The following GNL3L variants were observed in gnomAD, a reference collection of about 807,000 sequenced individuals.
The protein encoded by GNL3L is G protein nucleolar 3 like, also known as guanine nucleotide-binding protein-like 3-like protein.
In GNL3L, 4 loss-of-function variants were observed where a neutral mutation model predicts 42.9. The ratio of observed to expected loss-of-function variants is 0.09; its 90% confidence interval spans 0.05 to 0.21. GNL3L has a LOEUF of 0.21. GNL3L is among the 10% of genes least tolerant of loss of function. The pLI, the probability that GNL3L is intolerant of heterozygous loss-of-function variation, is 1.00. For synonymous variants in GNL3L, 159 were observed against 176.3 expected (o/e 0.90, Z 0.78); for missense variants, 412 against 481.7 (o/e 0.86, Z 1.36).
intron 5 of GNL3L, among the ~76,000 whole-genome samples, 187 bp downstream of exon 5, chrX:54,541,576 G>A (rs1924619121): frequency 9.1e-6 from 1 of 110,112 alleles, no homozygotes; most frequent in Non-Finnish European, 1.9e-5. Flanking sequence ...GCCATTTTGA[G>A]CCTTACCCGT....
chrX:54,537,543 C>T (rs1924475532), intron 2 of GNL3L, among the ~76,000 whole-genome samples: 1 of 111,575 alleles, frequency 9.0e-6, no homozygotes, highest in Non-Finnish European at 1.9e-5. Flanking sequence ...TGAATTTTTG[C>T]TCTAAGTAAG....
chrX:54,537,026 C>CTT (rs747450203), intron 2 of GNL3L, among the ~76,000 whole-genome samples: 50 of 85,855 alleles, frequency 5.8e-4, no homozygotes, highest in African/African-American at 2.1e-3. Flanking sequence ...GGTTGTTAAT[C>CTT]TTTTTTTTTT....
intron 16 of GNL3L, among the ~76,000 whole-genome samples, chrX:54,607,008 CTTTCTTT>C (rs1926075341): frequency 2.9e-4 from 11 of 37,430 alleles, no homozygotes; most frequent in Admixed American, 5.4e-4. Flanking sequence ...TTCTTTCTTT[CTTTCTTT>C]CTTTCTTTCT....
At chrX:54,630,633 C>G in the GNL3L span, among the ~76,000 whole-genome samples, 2 of 106,890 alleles carry the variant, frequency 1.9e-5, no homozygotes, top group African/African-American at 6.9e-5. Context: ...GGTATAATTT[C>G]GATTTTCTTT....
Position 54,606,948 on chromosome X carries a change from A to G in GNL3L, c.*46-13897A>G, listed in dbSNP as rs191272332. Reference sequence around the variant, plus strand: ...AAGTCACCATGCCTGACTGTTCTATATATCTTGTTCTGAGTGATGAAGATT... The same window carrying G: ...AAGTCACCATGCCTGACTGTTCTATGTATCTTGTTCTGAGTGATGAAGATT... On this transcript the variant is annotated intron_variant, in intron 16 of 16. Transcript: ENST00000674498. Among the ~76,000 whole-genome samples, 11 of 109,262 alleles carry G rather than the reference A, an allele frequency of 1.0e-4. No individual in the cohort carries two copies. The East Asian group carries it at 2.6e-3, about 26-fold the overall frequency. 94.9% of individuals were successfully genotyped at this position (109,262 alleles called of 115,157 possible). A position where few individuals can be genotyped will look rare whatever the true frequency, so the allele number is the denominator to read the frequency against.
intron 16 of GNL3L, among the ~76,000 whole-genome samples, chrX:54,578,702 G>A (rs946642355): frequency 8.9e-6 from 1 of 112,343 alleles, no homozygotes. Context: ...CCAGTTCTTA[G>A]CAGTGTTGAA....
intron 5 of GNL3L, among the ~76,000 whole-genome samples, chrX:54,542,145 G>A (rs902479421): frequency 7.2e-5 from 8 of 111,762 alleles, no homozygotes; most frequent in East Asian, 2.8e-4. Context: ...CGTGCACAAC[G>A]TGCAGGTTTG....
intron 2 of GNL3L, 68 bp downstream of exon 2, chrX:54,532,653 C>CT: frequency 1.1e-6 from 1 of 934,104 alleles, no homozygotes. Context: ...TTCACAGCAA[C>CT]TTTTTGTTTT....
chrX:54,598,123 T>C (rs911077812), intron 16 of GNL3L, among the ~76,000 whole-genome samples: 4 of 111,855 alleles, frequency 3.6e-5, no homozygotes, highest in African/African-American at 9.8e-5. Context: ...TATTCTACTA[T>C]CTTGCTCCAC....
At chrX:54,572,772 G>T (rs1365201786) in intron 16 of GNL3L, among the ~76,000 whole-genome samples, 1 of 106,368 alleles carries the variant, frequency 9.4e-6, no homozygotes, top group African/African-American at 3.5e-5. Context: ...GGGCGGAGAG[G>T]CTCCTCACTT....
At chrX:54,597,787 A>C (rs1198796692) in intron 16 of GNL3L, among the ~76,000 whole-genome samples, 3 of 110,978 alleles carry the variant, frequency 2.7e-5, no homozygotes, top group African/African-American at 9.8e-5. Context: ...ATGGGTGGGC[A>C]TCAGCTGAGT....
At chrX:54,546,970 T>G (rs983787093) in intron 8 of GNL3L, among the ~76,000 whole-genome samples, 2 of 109,241 alleles carry the variant, frequency 1.8e-5, no homozygotes, top group Non-Finnish European at 3.8e-5. Flanking sequence ...ATGGCAAAAA[T>G]AGAAGCCGCC....
chrX:54,571,890 A>G (rs1177793123), downstream of GNL3L, among the ~76,000 whole-genome samples: 4 of 108,324 alleles, frequency 3.7e-5, no homozygotes, highest in African/African-American at 1.0e-4. Flanking sequence ...CCAGTTACCT[A>G]TTTTAAGCTG....
At chrX:54,589,903 A>T (rs2147520146) in intron 16 of GNL3L, among the ~76,000 whole-genome samples, 1 of 109,404 alleles carries the variant, frequency 9.1e-6, no homozygotes, top group South Asian at 4.0e-4. Flanking sequence ...AGCATTTGTT[A>T]TTGCCTGTCT....
chrX:54,572,158 T>C (rs113834182), downstream of GNL3L, among the ~76,000 whole-genome samples: 5 of 108,060 alleles, frequency 4.6e-5, no homozygotes, highest in Admixed American at 9.9e-5. Flanking sequence ...TGCGGCCTTC[T>C]GCAGTGTTTG....
chrX:54,576,599 T>C (rs1334060624), intron 16 of GNL3L, among the ~76,000 whole-genome samples: 1 of 110,550 alleles, frequency 9.0e-6, no homozygotes, highest in Admixed American at 9.7e-5. Flanking sequence ...CCTGAGTAGA[T>C]GGGATTTCAG....
At chrX:54,610,500 C>T (rs890569261) in intron 16 of GNL3L, among the ~76,000 whole-genome samples, 1 of 111,196 alleles carries the variant, frequency 9.0e-6, no homozygotes, top group Non-Finnish European at 1.9e-5. Context: ...TCATAGATGG[C>T]TTTTATTACA....
At chrX:54,612,386 G>A (rs931965651) in intron 16 of GNL3L, among the ~76,000 whole-genome samples, 8 of 111,778 alleles carry the variant, frequency 7.2e-5, no homozygotes, top group Non-Finnish European at 1.5e-4. Flanking sequence ...TAAGTGGAGC[G>A]TTTAGGCCAT....
intron 2 of GNL3L, among the ~76,000 whole-genome samples, chrX:54,535,159 C>T (rs1421179545): frequency 1.8e-5 from 2 of 111,945 alleles, no homozygotes; most frequent in Non-Finnish European, 3.8e-5. Context: ...CGCCCTGTCA[C>T]CCGGGCTGGA....
Sources: allele counts gnomAD v4.1 joint callset (sites outside exome capture counted in the v4.1 genomes callset), GRCh38; gene constraint gnomAD v4.1.1; transcripts MANE v1.5; gene names NCBI Gene and HGNC (gene_info 2026-07-23, HGNC 2026-07-21).